The following SDK1 variants were observed in gnomAD, a reference collection of about 807,000 sequenced individuals.
SDK1 encodes sidekick cell adhesion molecule 1, also known as protein sidekick-1.
A neutral mutation model predicts 245.5 loss-of-function variants in SDK1; 157 were observed. The observed-to-expected ratio is 0.64, with a 90% CI of 0.56 to 0.73. The LOEUF (loss-of-function observed/expected upper bound fraction) is 0.73, where lower values mean the gene tolerates loss of function less well. Among genes scored for constraint, SDK1 ranks in the 30% least tolerant of loss-of-function variants. The pLI is 0.00. For synonymous variants in SDK1, 1,647 were observed against 1,278.5 expected, an observed-to-expected ratio of 1.29 and a Z score of -6.15; for missense variants, 3,583 against 3,002.3, an observed-to-expected ratio of 1.19 and a Z score of -4.52.
chr7:4,160,138 G>A (rs548207402), intron 31 of SDK1, among the ~76,000 whole-genome samples: 1 of 152,258 alleles, frequency 6.6e-6, no homozygotes, highest in Admixed American at 6.5e-5. Context: ...TAAACCACAA[G>A]GGAAAGGCTT....
intron 22 of SDK1, among the ~76,000 whole-genome samples, chr7:4,099,271 G>C (rs1249051621): frequency 6.6e-6 from 1 of 151,310 alleles, no homozygotes; most frequent in Non-Finnish European, 1.5e-5. Flanking sequence ...CAGATCGAGA[G>C]ACAAATGGCA....
chr7:3,713,016 G>C (rs575196680), intron 4 of SDK1, among the ~76,000 whole-genome samples: 1 of 152,318 alleles, frequency 6.6e-6, no homozygotes, highest in South Asian at 2.1e-4. Flanking sequence ...TTGTCTTAAG[G>C]GGATGGGCAC....
At chr7:4,210,655 G>A (rs892084949) in intron 38 of SDK1, among the ~76,000 whole-genome samples, 5 of 152,190 alleles carry the variant, frequency 3.3e-5, no homozygotes, top group African/African-American at 1.2e-4. Context: ...CCCCTCAGCG[G>A]ACATCTATGA....
At chr7:3,661,411 G>T (rs1292178867) in intron 4 of SDK1, among the ~76,000 whole-genome samples, 1 of 152,094 alleles carries the variant, frequency 6.6e-6, no homozygotes, top group African/African-American at 2.4e-5. Flanking sequence ...ACCTGCCGTT[G>T]GCTTATCTCT....
At chr7:3,991,948 C>G (rs1229202829) in intron 14 of SDK1, among the ~76,000 whole-genome samples, 1 of 152,244 alleles carries the variant, frequency 6.6e-6, no homozygotes, top group Non-Finnish European at 1.5e-5. Flanking sequence ...CCAGAAAGAA[C>G]AGCTTAGCAG....
intron 35 of SDK1, among the ~76,000 whole-genome samples, chr7:4,204,743 G>C (rs1220180940): frequency 1.3e-5 from 2 of 152,186 alleles, no homozygotes; most frequent in African/African-American, 4.8e-5. Flanking sequence ...CTGCCTCCGG[G>C]AGCCAGGCCC....
At position 4,180,956 on chromosome 7, in the gene SDK1, C is replaced by T. The variant is rs190317842; in HGVS notation, c.5098+2370C>T. 4.6e-5 allele frequency among the ~76,000 whole-genome samples: 7 copies of T among 152,284 alleles called. No homozygotes were observed. In the East Asian group the frequency reaches 9.7e-4, roughly 21 times the overall value. On this transcript the variant is annotated intron_variant, in intron 35 of 44. Coordinates refer to ENST00000404826, the MANE Select transcript of SDK1 (RefSeq NM_152744.4). ...CATCCAGGCCATATAAGTCTGTCAT[C>T]GTGGTAAGATGCGTATAACATGGAA...
intron 4 of SDK1, among the ~76,000 whole-genome samples, chr7:3,674,979 G>C (rs1331980128): frequency 6.6e-6 from 1 of 152,184 alleles, no homozygotes; most frequent in Non-Finnish European, 1.5e-5. Flanking sequence ...AGGAACAATA[G>C]TCTTCTTGGT....
At chr7:3,323,369 G>C (rs1463429284) in intron 1 of SDK1, among the ~76,000 whole-genome samples, 1 of 152,200 alleles carries the variant, frequency 6.6e-6, no homozygotes, top group Non-Finnish European at 1.5e-5. Context: ...TGCTGGTGCC[G>C]ATTGAATTTC....
intron 4 of SDK1, among the ~76,000 whole-genome samples, chr7:3,788,000 G>C (rs938440102): frequency 1.3e-5 from 2 of 152,176 alleles, no homozygotes; most frequent in Non-Finnish European, 2.9e-5. Context: ...TGGGAGGACC[G>C]GAGGGCAGGC....
chr7:3,521,323 A>G (rs1238316541), intron 1 of SDK1, among the ~76,000 whole-genome samples: 2 of 152,200 alleles, frequency 1.3e-5, no homozygotes, highest in East Asian at 1.9e-4. Context: ...ACTACATTTG[A>G]AAGTACCTTT....
At chr7:3,745,233 T>A (rs1313258332) in intron 4 of SDK1, among the ~76,000 whole-genome samples, 1 of 152,220 alleles carries the variant, frequency 6.6e-6, no homozygotes, top group Non-Finnish European at 1.5e-5. Flanking sequence ...ACCCTTTAGG[T>A]ATGTAAATAA....
intron 4 of SDK1, among the ~76,000 whole-genome samples, chr7:3,788,166 A>C (rs1184891372): frequency 1.3e-5 from 2 of 152,114 alleles, no homozygotes; most frequent in African/African-American, 2.4e-5. Context: ...TCTGGGAGAG[A>C]GTGCTCGGGC....
chr7:4,186,110 C>G (rs571936065), intron 35 of SDK1, among the ~76,000 whole-genome samples: 1 of 152,228 alleles, frequency 6.6e-6, no homozygotes, highest in African/African-American at 2.4e-5. Context: ...TAAAACAAAA[C>G]GAAACAAAAT....
At chr7:3,972,369 G>A (rs866736422) in intron 12 of SDK1, among the ~76,000 whole-genome samples, 15 of 152,062 alleles carry the variant, frequency 9.9e-5, no homozygotes, top group African/African-American at 2.2e-4. Flanking sequence ...GTGAGCTGCC[G>A]TGCCCGGCCA....
intron 1 of SDK1, among the ~76,000 whole-genome samples, chr7:3,460,358 A>G (rs1479820827): frequency 1.3e-5 from 2 of 152,214 alleles, no homozygotes; most frequent in Non-Finnish European, 2.9e-5. Context: ...TAGGAGCTCC[A>G]CTTTGGAATG....
intron 1 of SDK1, among the ~76,000 whole-genome samples, chr7:3,464,901 G>A (rs533701373): frequency 6.6e-6 from 1 of 152,212 alleles, no homozygotes; most frequent in East Asian, 1.9e-4. Context: ...AGACATTTAT[G>A]TGATTTTTTT....
intron 4 of SDK1, among the ~76,000 whole-genome samples, chr7:3,821,009 C>G (rs1460189916): frequency 6.6e-6 from 1 of 151,350 alleles, no homozygotes; most frequent in Non-Finnish European, 1.5e-5. Flanking sequence ...TACACAAAGC[C>G]TCTGATGAGG....
At chr7:3,590,717 A>AAAAATACTGATAC (rs1780839975) in intron 1 of SDK1, among the ~76,000 whole-genome samples, 2 of 151,316 alleles carry the variant, frequency 1.3e-5, no homozygotes, top group African/African-American at 2.4e-5. Flanking sequence ...AATACTGATA[A>AAAAATACTGATAC]CAGAGCCTCA....
Sources: allele counts gnomAD v4.1 joint callset (sites outside exome capture counted in the v4.1 genomes callset), GRCh38; gene constraint gnomAD v4.1.1; transcripts MANE v1.5; gene names NCBI Gene and HGNC (gene_info 2026-07-23, HGNC 2026-07-21).